NUP188: variants seen among roughly 807,000 people sequenced by gnomAD.
The protein encoded by NUP188 is nucleoporin 188, also known as nucleoporin NUP188.
In NUP188, 97 loss-of-function variants were observed where a neutral mutation model predicts 223.0. The observed-to-expected ratio is 0.43, with a 90% CI of 0.37 to 0.51. The LOEUF is 0.51. Among genes scored for constraint, NUP188 ranks in the 20% least tolerant of loss-of-function variants. NUP188 has a pLI of 0.00. For missense variants in NUP188, 1,947 were observed against 2,175.6 expected, an observed-to-expected ratio of 0.89 and a Z score of 2.09; for synonymous variants, 869 against 828.0, an observed-to-expected ratio of 1.05 and a Z score of -0.85.
intron 14 of NUP188, among the ~76,000 whole-genome samples, 166 bp from the exon 15 acceptor site, chr9:128,981,098 T>C (rs533870535): frequency 6.6e-6 from 1 of 152,276 alleles, no homozygotes; most frequent in African/African-American, 2.4e-5. Flanking sequence ...GAGTTGAGTG[T>C]TAAAGCCCAG....
At chr9:128,959,215 G>T (rs1841911513) in intron 8 of NUP188, 81 bp downstream of exon 8, 2 of 1,131,436 alleles carry the variant, frequency 1.8e-6, no homozygotes, top group Non-Finnish European at 1.2e-6. Flanking sequence ...GAGTGCAGTG[G>T]CATGATCTCG....
In NUP188 at chr9:128,994,389, A is replaced by G. The variant is rs770395701; in HGVS notation, c.3034A>G (p.Asn1012Asp). Reference protein sequence around the residue: ...VLRTKPKFWENLTSPLFGTLS... With the variant: ...VLRTKPKFWEDLTSPLFGTLS... ...CCTTTTTAGACCCAAGTTTTGGGAAAATTTAACCAGTCCGCTGTTTGGAAC... is the reference window on the plus strand; with the variant it reads ...CCTTTTTAGACCCAAGTTTTGGGAAGATTTAACCAGTCCGCTGTTTGGAAC... The change falls in exon 28 of 44, where the codon AAT becomes GAT. Residue 1012 changes from asparagine to aspartate, a missense_variant. Transcript: ENST00000372577. The G allele has an allele frequency of 6.2e-7, 1 of 1,613,370 alleles. No individual in the cohort carries two copies. The highest frequency in any genetic ancestry group is 1.7e-5 in the Admixed American group (1 of 60,002).
chr9:129,005,168 C>G lies in NUP188; in HGVS notation c.4456C>G (p.Gln1486Glu), dbSNP rs1431351954. Residue 1486 changes from glutamine to glutamate, a missense_variant, in exon 39 of 44, where the codon CAG becomes GAG. By Grantham distance (29) the Gln-to-Glu change is conservative. Coordinates refer to ENST00000372577, the MANE Select transcript of NUP188 (RefSeq NM_015354.3). ...DIQVNLGYLC[Q>E]ACTSLLHSRK... is the part of the protein sequence containing the mutation. The stretch of plus-strand genomic sequence containing the variant: ...CCAGGTCAACCTGGGTTACTTGTGC[C>G]AGGCATGTACCTCTCTCCTGCACAG... 1 of 1,613,946 alleles carries G rather than the reference C, an allele frequency of 6.2e-7. No homozygotes were observed. Among genetic ancestry groups the G allele is most frequent in the African/African-American group, 1.3e-5 (1 of 74,914 alleles).
intron 8 of NUP188, among the ~76,000 whole-genome samples, chr9:128,965,411 T>C (rs1842014337): frequency 6.6e-6 from 1 of 152,210 alleles, no homozygotes; most frequent in Admixed American, 6.6e-5. Context: ...GTGCTCTTAC[T>C]CATTTCTGAT....
intron 34 of NUP188, among the ~76,000 whole-genome samples, chr9:129,001,174 C>G (rs1842655986): frequency 6.6e-6 from 1 of 151,726 alleles, no homozygotes; most frequent in Non-Finnish European, 1.5e-5. Flanking sequence ...TGGCATCGGG[C>G]AGGGTCGTAG....
At chr9:128,987,900 T>A (rs1842361192) in intron 23 of NUP188, 147 bp from the exon 24 acceptor site, 1 of 1,136,106 alleles carries the variant, frequency 8.8e-7, no homozygotes, top group Non-Finnish European at 1.3e-6. Flanking sequence ...AGTTGATTAC[T>A]CCTCCTCTCT....
Position 128,951,261 on chromosome 9 carries a change from C to T in NUP188, c.88-1512C>T, listed in dbSNP as rs902851194. Reference sequence around the variant, plus strand: ...AGTGGAGGTTGCAGTGAGTCGAGATCGCGCAACTGTACTCCAGCCTGGGTG... The same window carrying T: ...AGTGGAGGTTGCAGTGAGTCGAGATTGCGCAACTGTACTCCAGCCTGGGTG... On this transcript the variant is annotated intron_variant, in intron 2 of 43. Coordinates refer to ENST00000372577, the MANE Select transcript of NUP188 (RefSeq NM_015354.3). Among the ~76,000 whole-genome samples, 9 of 148,518 alleles carry T rather than the reference C, an allele frequency of 6.1e-5. No individual in the cohort carries two copies. The East Asian group carries it at 1.2e-3, about 19-fold the overall frequency.
At chr9:128,992,070 C>T (rs1020227693) in intron 25 of NUP188, among the ~76,000 whole-genome samples, 16 of 151,652 alleles carry the variant, frequency 1.1e-4, no homozygotes, top group Admixed American at 9.8e-4. Context: ...CTGCACCCGG[C>T]TAATTTTTTG....
In NUP188 at chr9:128,959,003, G is replaced by T. The variant is rs756528374; in HGVS notation, c.466-12G>T. ...TATTCTAGGTATAATTTACTCTTTT[G>T]ATTTTTTAAAGGTTGAATATGCAGA... On this transcript the variant is annotated splice_polypyrimidine_tract_variant and intron_variant, in intron 7 of 43. Coordinates refer to ENST00000372577, the MANE Select transcript of NUP188 (RefSeq NM_015354.3). The T allele has an allele frequency of 3.3e-6, 5 of 1,522,480 alleles. No individual in the cohort carries two copies. Among genetic ancestry groups the T allele is most frequent in the South Asian group, 2.6e-5 (2 of 77,444 alleles). The allele number at this position is 1,522,480 out of a possible 1,614,324, so 94.3% of individuals were successfully genotyped here. A position where few individuals can be genotyped will look rare whatever the true frequency, so the allele number is the denominator to read the frequency against.
chr9:128,978,094 G>A (rs1455797716), intron 12 of NUP188, among the ~76,000 whole-genome samples: 1 of 152,048 alleles, frequency 6.6e-6, no homozygotes, highest in African/African-American at 2.4e-5. Context: ...GTTCTTGGCT[G>A]GGCATGGTGG....
At chr9:128,971,912 C>G (rs1009195760) in intron 11 of NUP188, among the ~76,000 whole-genome samples, 5 of 152,146 alleles carry the variant, frequency 3.3e-5, no homozygotes, top group Non-Finnish European at 5.9e-5. Flanking sequence ...GCTGGGATTA[C>G]AGGCACCTGC....
At chr9:128,981,176 T>G (rs977443785) in intron 14 of NUP188, 88 bp from the exon 15 acceptor site, 26 of 1,496,588 alleles carry the variant, frequency 1.7e-5, no homozygotes, top group Admixed American at 2.0e-5. Context: ...TGCAAGAAGT[T>G]TGAGAGTCTG....
intron 15 of NUP188, among the ~76,000 whole-genome samples, chr9:128,982,079 A>G (rs1288390499): frequency 3.4e-5 from 5 of 149,066 alleles, no homozygotes; most frequent in East Asian, 2.0e-4. Flanking sequence ...CTCCATCTCA[A>G]AAAAAAAAAG....
At chr9:128,988,475 C>T (rs915360874) in intron 24 of NUP188, among the ~76,000 whole-genome samples, 3 of 152,098 alleles carry the variant, frequency 2.0e-5, no homozygotes, top group Admixed American at 6.5e-5. Flanking sequence ...ACCTTGGGTA[C>T]GTTATTAAAC....
intron 3 of NUP188, among the ~76,000 whole-genome samples, chr9:128,953,564 CTG>C (rs975465916): frequency 6.6e-6 from 1 of 152,170 alleles, no homozygotes; most frequent in Admixed American, 6.5e-5. Context: ...TGTTATTCAT[CTG>C]TCTGTTAATT....
intron 25 of NUP188, among the ~76,000 whole-genome samples, chr9:128,992,550 G>C (rs1449864257): frequency 6.6e-6 from 1 of 152,186 alleles, no homozygotes; most frequent in Non-Finnish European, 1.5e-5. Context: ...AGGCAGTCTT[G>C]ATGTGCTTCA....
chr9:128,981,128 G>A (rs11564102), intron 14 of NUP188, 136 bp from the exon 15 acceptor site: 79 of 1,024,494 alleles, frequency 7.7e-5, no homozygotes, highest in South Asian at 1.1e-4. Context: ...GGCGAGGGGC[G>A]CAGAAGGCAG....
At position 128,947,706 on chromosome 9, in the gene NUP188, G is replaced by C. The variant is rs545165702; in HGVS notation, c.-14G>C. 1.4e-6 allele frequency: 2 copies of C among 1,469,140 alleles called. No individual in the cohort carries two copies. The highest frequency in any genetic ancestry group is 9.0e-7 in the Non-Finnish European group (1 of 1,113,412). The allele number at this position is 1,469,140 out of a possible 1,614,324, so 91.0% of individuals were successfully genotyped here. A position where few individuals can be genotyped will look rare whatever the true frequency, so the allele number is the denominator to read the frequency against. On this transcript the variant is annotated 5_prime_UTR_variant, in exon 1 of 44. Coordinates refer to ENST00000372577, the MANE Select transcript of NUP188 (RefSeq NM_015354.3). ...GCGTCTGGGGGCGGGGTTAGGGCGA[G>C]CGGGCGCGCGAAGATGGCGGCGGCC...
At chr9:128,953,106 G>A (rs1048573428) in intron 3 of NUP188, among the ~76,000 whole-genome samples, 3 of 152,120 alleles carry the variant, frequency 2.0e-5, no homozygotes, top group Admixed American at 6.6e-5. Context: ...AACATTCAAC[G>A]AATTTTCTAA....
Sources: gnomAD v4.1 joint callset for allele counts (sites outside exome capture counted in the v4.1 genomes callset) on GRCh38, gnomAD v4.1.1 for gene constraint, MANE v1.5 for transcripts, NCBI Gene and HGNC (gene_info 2026-07-23, HGNC 2026-07-21) for gene names.